Variants in CSMD3 observed in about 807,000 individuals in gnomAD.
CSMD3 encodes CUB and sushi domain-containing protein 3.
In CSMD3, 177 loss-of-function variants were observed where a neutral mutation model predicts 435.2. That is an observed-to-expected ratio of 0.41 (90% CI 0.36 to 0.46). The LOEUF is 0.46. Among genes scored for constraint, CSMD3 ranks in the 20% least tolerant of loss-of-function variants. The pLI, the probability that CSMD3 is intolerant of heterozygous loss-of-function variation, is 0.34. For missense variants in CSMD3, 4,265 were observed against 4,504.6 expected, an observed-to-expected ratio of 0.95 and a Z score of 1.52; for synonymous variants, 1,656 against 1,520.5, an observed-to-expected ratio of 1.09 and a Z score of -2.07.
intron 3 of CSMD3, among the ~76,000 whole-genome samples, chr8:113,214,815 T>C (rs1340132930): frequency 6.6e-6 from 1 of 151,836 alleles, no homozygotes; most frequent in African/African-American, 2.4e-5. Context: ...TCAACCAAAA[T>C]TATAAAGATA....
chr8:113,429,200 A>G (rs1203518304), intron 1 of CSMD3, among the ~76,000 whole-genome samples: 5 of 151,572 alleles, frequency 3.3e-5, no homozygotes. Flanking sequence ...TATTTATAAA[A>G]TGTATTATTG....
chr8:112,254,474 G>A (rs1289321018), intron 62 of CSMD3, 148 bp from the exon 63 acceptor site: 4 of 658,532 alleles, frequency 6.1e-6, no homozygotes, highest in Non-Finnish European at 1.1e-5. Context: ...TCTCTCCATG[G>A]ACAGAAGCCT....
intron 1 of CSMD3, among the ~76,000 whole-genome samples, chr8:113,343,205 GTT>G (rs1342776944): frequency 6.6e-6 from 1 of 151,860 alleles, no homozygotes; most frequent in Non-Finnish European, 1.5e-5. Flanking sequence ...CTATTTAAGA[GTT>G]TTATCCATTT....
chr8:113,261,723 A>C (rs1420842267), intron 3 of CSMD3, among the ~76,000 whole-genome samples: 1 of 152,116 alleles, frequency 6.6e-6, no homozygotes, highest in Non-Finnish European at 1.5e-5. Context: ...ACCCTCTAAA[A>C]AATACAAAAT....
intron 2 of CSMD3, chr8:113,310,186 T>A (rs548653779): frequency 1.1e-3 from 172 of 152,240 alleles, no homozygotes; most frequent in African/African-American, 3.9e-3. Flanking sequence ...TTAGAAATAA[T>A]CATTCTCTTC....
At chr8:113,153,109 GA>G (rs770213903) in intron 4 of CSMD3, among the ~76,000 whole-genome samples, 3 of 99,600 alleles carry the variant, frequency 3.0e-5, no homozygotes, top group Admixed American at 1.1e-4. Context: ...AGAAAAGAAA[GA>G]AAGAAAGAAA....
At chr8:112,567,907 T>G (rs897766613) in intron 24 of CSMD3, among the ~76,000 whole-genome samples, 3 of 152,166 alleles carry the variant, frequency 2.0e-5, no homozygotes, top group African/African-American at 7.2e-5. Flanking sequence ...ACAGGGAAAT[T>G]AACAAGTAAC....
intron 16 of CSMD3, among the ~76,000 whole-genome samples, chr8:112,668,431 T>C (rs967928756): frequency 2.0e-5 from 3 of 152,062 alleles, no homozygotes; most frequent in Non-Finnish European, 4.4e-5. Context: ...TAATCATCAT[T>C]AGACGAGGTA....
chr8:112,728,089 T>C (rs2077002451), intron 13 of CSMD3, among the ~76,000 whole-genome samples: 1 of 151,852 alleles, frequency 6.6e-6, no homozygotes, highest in South Asian at 2.1e-4. Context: ...TAATTAGGGG[T>C]AGTCATGTGA....
At chr8:113,352,363 T>G (rs1029783598) in intron 1 of CSMD3, among the ~76,000 whole-genome samples, 1 of 152,068 alleles carries the variant, frequency 6.6e-6, no homozygotes, top group African/African-American at 2.4e-5. Flanking sequence ...AAGCAACTTC[T>G]GACACCATCA....
In CSMD3 at chr8:112,666,270, G is replaced by A; in HGVS notation, c.2816+7C>T. The stretch of plus-strand genomic sequence containing the variant: ...TTCTTTAAAAGTAGGAAAAATATTT[G>A]TGAGACCTTTCAAATGTAATTTTGA... On this transcript the variant is annotated splice_region_variant and intron_variant, in intron 17 of 70. Transcript: ENST00000297405. The A allele has an allele frequency of 6.2e-7, 1 of 1,603,052 alleles. No individual in the cohort carries two copies. Among genetic ancestry groups the A allele is most frequent in the South Asian group, 1.1e-5 (1 of 90,606 alleles).
At chr8:112,472,753 A>G in intron 31 of CSMD3, 46 bp from the exon 32 acceptor site, 1 of 985,214 alleles carries the variant, frequency 1.0e-6, no homozygotes, top group Non-Finnish European at 1.6e-6. Flanking sequence ...AAAGTTTTAA[A>G]AAATTCATAC....
At chr8:112,756,055 A>T (rs1549354) in intron 13 of CSMD3, among the ~76,000 whole-genome samples, 125,471 of 151,876 alleles carry the variant, frequency 0.83, 51,980 homozygotes, top group East Asian at 0.92. Context: ...GGAATTAAGA[A>T]CTGCAAACTA....
At chr8:112,712,157 A>G (rs2076623860) in intron 13 of CSMD3, among the ~76,000 whole-genome samples, 1 of 152,096 alleles carries the variant, frequency 6.6e-6, no homozygotes, top group Non-Finnish European at 1.5e-5. Flanking sequence ...CTCATCTACC[A>G]CCACAAATGT....
intron 1 of CSMD3, among the ~76,000 whole-genome samples, chr8:113,417,812 G>A (rs1424859302): frequency 6.6e-6 from 1 of 151,910 alleles, no homozygotes; most frequent in African/African-American, 2.4e-5. Flanking sequence ...CATAGGACAG[G>A]TTTAATGCCA....
intron 3 of CSMD3, among the ~76,000 whole-genome samples, chr8:113,207,994 G>A (rs1355884286): frequency 6.6e-6 from 1 of 152,140 alleles, no homozygotes; most frequent in Non-Finnish European, 1.5e-5. Context: ...CAATACTGAT[G>A]AAATTTTAGA....
intron 32 of CSMD3, among the ~76,000 whole-genome samples, chr8:112,425,314 T>G (rs751757889): frequency 4.6e-5 from 7 of 152,320 alleles, no homozygotes; most frequent in Middle Eastern, 6.8e-3. Context: ...GACTTCAAAT[T>G]GTGAACCCCA....
At chr8:112,966,720 A>G (rs2084431243) in intron 7 of CSMD3, among the ~76,000 whole-genome samples, 1 of 151,806 alleles carries the variant, frequency 6.6e-6, no homozygotes, top group Non-Finnish European at 1.5e-5. Flanking sequence ...CTTTCCAGTA[A>G]AATCATAATG....
At chr8:112,668,611 C>T (rs1459725674) in intron 16 of CSMD3, among the ~76,000 whole-genome samples, 1 of 152,002 alleles carries the variant, frequency 6.6e-6, no homozygotes, top group Non-Finnish European at 1.5e-5. Flanking sequence ...TGTTTGTTTC[C>T]TAAAATGACT....
Sources: allele counts gnomAD v4.1 joint callset (sites outside exome capture counted in the v4.1 genomes callset), GRCh38; gene constraint gnomAD v4.1.1; transcripts MANE v1.5; gene names NCBI Gene and HGNC (gene_info 2026-07-23, HGNC 2026-07-21).